The following ASAP1 variants were observed in gnomAD, a reference collection of about 807,000 sequenced individuals.
ASAP1 encodes arf-GAP with SH3 domain, ANK repeat and PH domain-containing protein 1.
Under a neutral mutation model 145.2 loss-of-function variants are expected in ASAP1, and 43 were observed. That is an observed-to-expected ratio of 0.30 (90% CI 0.23 to 0.38). The LOEUF is 0.38. ASAP1 is among the 10% of genes least tolerant of loss of function. ASAP1 has a pLI of 1.00. For synonymous variants in ASAP1, 546 were observed against 515.5 expected, an observed-to-expected ratio of 1.06 and a Z score of -0.80; for missense variants, 1,018 against 1,355.3, an observed-to-expected ratio of 0.75 and a Z score of 3.91.
At chr8:130,217,537 T>TACAC (rs71302402) in intron 4 of ASAP1, among the ~76,000 whole-genome samples, 15,476 of 148,906 alleles carry the variant, frequency 0.1, 885 homozygotes, top group South Asian at 0.28. Context: ...TGTATATATG[T>TACAC]ACACACACAC....
Position 130,074,486 on chromosome 8 carries a change from C to CACAGAG in ASAP1, c.2701+1861_2701+1862insCTCTGT, listed in dbSNP as rs5895034. The stretch of plus-strand genomic sequence containing the variant: ...ACACACACACACACACACACACACA[C>CACAGAG]AGAGAGAACGAGAGTAGAGCAACGG... On this transcript the variant is annotated intron_variant, in intron 27 of 29. Coordinates refer to ENST00000518721, the MANE Select transcript of ASAP1 (RefSeq NM_018482.4). 3.5e-3 allele frequency among the ~76,000 whole-genome samples: 494 copies of CACAGAG among 140,570 alleles called. 3 individuals carry two copies. The highest frequency in any genetic ancestry group is 0.011 in the Middle Eastern group (3 of 266). 92.2% of individuals were successfully genotyped at this position (140,570 alleles called of 152,430 possible). A position where few individuals can be genotyped will look rare whatever the true frequency, so the allele number is the denominator to read the frequency against.
rs1311635215 is a variant in ASAP1 at position 130,382,917 on chromosome 8, T to C, written c.59+18968A>G. 4.6e-5 allele frequency among the ~76,000 whole-genome samples: 7 copies of C among 152,250 alleles called. No homozygotes were observed. The South Asian group carries it at 1.5e-3, about 32-fold the overall frequency. On this transcript the variant is annotated intron_variant, in intron 2 of 29. Coordinates refer to ENST00000518721, the MANE Select transcript of ASAP1 (RefSeq NM_018482.4). ...GAGGGGAGGGGTAAAGCTTTCACTT[T>C]AGCCAGAGAAAGCTTCATTGAAGAG...
chr8:130,131,803 C>A (rs1308955887), intron 15 of ASAP1, among the ~76,000 whole-genome samples: 1 of 151,916 alleles, frequency 6.6e-6, no homozygotes, highest in Non-Finnish European at 1.5e-5. Context: ...GTCTCAGAAA[C>A]AAAACAAAAC....
intron 2 of ASAP1, chr8:130,360,964 C>A (rs191955758): frequency 6.5e-6 from 1 of 152,772 alleles, no homozygotes; most frequent in Admixed American, 6.5e-5. Flanking sequence ...TAATTAAGCT[C>A]TCTGAGACTC....
At chr8:130,142,880 TG>T (rs571026922) in intron 13 of ASAP1, among the ~76,000 whole-genome samples, 79 of 145,804 alleles carry the variant, frequency 5.4e-4, no homozygotes, top group Middle Eastern at 3.4e-3. Context: ...GGTGGGGTGG[TG>T]GGGGGGCAGT....
At chr8:130,389,477 CA>C (rs1828173916) in intron 2 of ASAP1, among the ~76,000 whole-genome samples, 1 of 152,140 alleles carries the variant, frequency 6.6e-6, no homozygotes, top group South Asian at 2.1e-4. Context: ...ATTACAAAAC[CA>C]AATCTTATTT....
chr8:130,214,465 T>G, intron 5 of ASAP1, 91 bp downstream of exon 5: 3 of 1,276,444 alleles, frequency 2.4e-6, no homozygotes, highest in Non-Finnish European at 3.1e-6. Context: ...GGACCAAGGA[T>G]TGAGGGGGAA....
chr8:130,185,334 T>A (rs1022745248), intron 7 of ASAP1, among the ~76,000 whole-genome samples: 1 of 152,248 alleles, frequency 6.6e-6, no homozygotes, highest in African/African-American at 2.4e-5. Flanking sequence ...AATGAAATAG[T>A]ACATAAACTA....
chr8:130,093,347 G>A (rs2097509720), intron 24 of ASAP1, among the ~76,000 whole-genome samples: 1 of 152,000 alleles, frequency 6.6e-6, no homozygotes, highest in East Asian at 1.9e-4. Context: ...TGTGTTCATG[G>A]CAAACTGCTT....
chr8:130,370,296 C>T (rs765552983), intron 2 of ASAP1, among the ~76,000 whole-genome samples: 9 of 152,220 alleles, frequency 5.9e-5, no homozygotes, highest in Admixed American at 5.9e-4. Context: ...CAGAGCAAGA[C>T]CCCATCTCAA....
chr8:130,111,143 T>C (rs1054252278), intron 24 of ASAP1, among the ~76,000 whole-genome samples: 1 of 127,630 alleles, frequency 7.8e-6, no homozygotes, highest in Non-Finnish European at 1.6e-5. Flanking sequence ...GGGGTCAAGG[T>C]GGGAGGATCA....
intron 3 of ASAP1, among the ~76,000 whole-genome samples, chr8:130,328,321 AAT>A (rs1457493405): frequency 8.5e-5 from 13 of 152,254 alleles, no homozygotes; most frequent in Non-Finnish European, 1.5e-4. Flanking sequence ...TGTGACAAAT[AAT>A]ACAGTAGTCA....
At chr8:130,375,699 A>C (rs1827454209) in intron 2 of ASAP1, among the ~76,000 whole-genome samples, 1 of 152,226 alleles carries the variant, frequency 6.6e-6, no homozygotes, top group African/African-American at 2.4e-5. Context: ...GCCTTCACTC[A>C]ACCTCTACTC....
chr8:130,400,056 G>A (rs969633191), intron 2 of ASAP1, among the ~76,000 whole-genome samples: 2 of 152,128 alleles, frequency 1.3e-5, no homozygotes, highest in Admixed American at 6.5e-5. Context: ...CCAACCTCAG[G>A]TGATCCGCCC....
chr8:130,226,466 T>A (rs541840481), intron 4 of ASAP1, among the ~76,000 whole-genome samples: 63 of 152,242 alleles, frequency 4.1e-4, no homozygotes, highest in African/African-American at 1.4e-3. Context: ...AAAGACAAAA[T>A]CCTTGGAGGC....
intron 5 of ASAP1, among the ~76,000 whole-genome samples, chr8:130,210,576 C>A (rs1586600234): frequency 6.6e-6 from 1 of 152,152 alleles, no homozygotes; most frequent in Admixed American, 6.5e-5. Context: ...CAAGAAAGTA[C>A]CTTGCACGCT....
In ASAP1 at chr8:130,179,368, GTT is replaced by G. The variant is rs1407550436; in HGVS notation, c.661-21_661-20del. ...TGAGATACTGTGAAAATAAAACAGG[GTT>G]TTGCGTTGATTAATTCCAGATGGGG... On this transcript the variant is annotated intron_variant, in intron 8 of 29. Coordinates refer to ENST00000518721, the MANE Select transcript of ASAP1 (RefSeq NM_018482.4). The G allele has an allele frequency of 4.6e-6, 7 of 1,507,516 alleles. No homozygotes were observed. The highest frequency in any genetic ancestry group is 6.5e-6 in the Non-Finnish European group (7 of 1,084,244). The allele number at this position is 1,507,516 out of a possible 1,614,324, so 93.4% of individuals were successfully genotyped here.
At chr8:130,391,528 A>G (rs1828284013) in intron 2 of ASAP1, among the ~76,000 whole-genome samples, 1 of 152,246 alleles carries the variant, frequency 6.6e-6, no homozygotes, top group Admixed American at 6.5e-5. Flanking sequence ...AAAATATATC[A>G]GTCCTCATGG....
At chr8:130,417,292 A>G (rs2138679911) in intron 1 of ASAP1, among the ~76,000 whole-genome samples, 2 of 152,332 alleles carry the variant, frequency 1.3e-5, no homozygotes, top group East Asian at 3.9e-4. Flanking sequence ...CACATACACA[A>G]ATGCAATGGA....
Sources: gnomAD v4.1 joint callset for allele counts (sites outside exome capture counted in the v4.1 genomes callset) on GRCh38, gnomAD v4.1.1 for gene constraint, MANE v1.5 for transcripts, NCBI Gene and HGNC (gene_info 2026-07-23, HGNC 2026-07-21) for gene names.